IMMP2L: variants seen among roughly 807,000 people sequenced by gnomAD.
IMMP2L encodes the protein mitochondrial inner membrane protease subunit 2.
IMMP2L carries 18 observed loss-of-function variants against 19.3 expected under a neutral mutation model. The observed-to-expected ratio is 0.93, with a 90% CI of 0.64 to 1.38. The LOEUF (loss-of-function observed/expected upper bound fraction) is 1.38. Among genes scored for constraint, IMMP2L ranks in the 40% most tolerant of loss-of-function variants. The probability of loss-of-function intolerance (pLI) is 0.00; values close to 1 mark genes in which losing one functional copy is unlikely to be tolerated. For missense variants in IMMP2L, 233 were observed against 218.2 expected (o/e 1.07, Z -0.43); for synonymous variants, 76 against 73.0 (o/e 1.04, Z -0.21).
In IMMP2L at chr7:111,213,517, T is replaced by C. The variant is rs1586858278; in HGVS notation, c.240-249952A>G. On this transcript the variant is annotated intron_variant, in intron 3 of 5. Coordinates refer to ENST00000405709, the MANE Select transcript of IMMP2L (RefSeq NM_032549.4). This position sits in a 1 kb window ranked among gnomAD's most constrained non-coding sequence, Gnocchi z 4.8. ...TGAAGCCCTCCAGGGGCCAGGCTGC[T>C]GGTCGTGCAAACCAGAATGGGAACT... 6.6e-6 allele frequency among the ~76,000 whole-genome samples: 1 copy of C among 152,154 alleles called. No homozygotes were observed. Among genetic ancestry groups the C allele is most frequent in the Admixed American group, 6.5e-5 (1 of 15,282 alleles).
intron 5 of IMMP2L, among the ~76,000 whole-genome samples, chr7:110,835,942 T>C (rs757776547): frequency 6.6e-6 from 1 of 152,110 alleles, no homozygotes; most frequent in Non-Finnish European, 1.5e-5. Flanking sequence ...GAAATGAACA[T>C]TGTAATTACA....
intron 2 of IMMP2L, chr7:111,492,470 G>T: frequency 1.3e-6 from 1 of 782,170 alleles, no homozygotes. Context: ...GAAACTTCTA[G>T]TCATTTGTCA....
chr7:111,449,015 G>A (rs889990301), intron 3 of IMMP2L, among the ~76,000 whole-genome samples: 2 of 151,286 alleles, frequency 1.3e-5, no homozygotes, highest in East Asian at 2.0e-4. Context: ...CCAGGAAGAA[G>A]TTGAATCTCT....
At chr7:111,486,536 C>T (rs1842669125) in intron 3 of IMMP2L, among the ~76,000 whole-genome samples, 1 of 152,122 alleles carries the variant, frequency 6.6e-6, no homozygotes, top group African/African-American at 2.4e-5. Context: ...GTATTTGAAA[C>T]CAGAAGAAAT....
At chr7:111,120,027 G>A (rs1800396776) in intron 3 of IMMP2L, among the ~76,000 whole-genome samples, 1 of 152,158 alleles carries the variant, frequency 6.6e-6, no homozygotes, top group Non-Finnish European at 1.5e-5. Context: ...GCAGAGTGAT[G>A]CAACCATAGC....
chr7:111,141,432 A>AT (rs1404265652), intron 3 of IMMP2L, among the ~76,000 whole-genome samples: 2 of 148,432 alleles, frequency 1.3e-5, no homozygotes, highest in African/African-American at 5.2e-5. Flanking sequence ...CCAGGGTTAC[A>AT]TTTCTTTCTT....
intron 3 of IMMP2L, among the ~76,000 whole-genome samples, chr7:111,321,515 T>C (rs114026498): frequency 6.6e-6 from 1 of 151,252 alleles, no homozygotes; most frequent in Non-Finnish European, 1.5e-5. Context: ...ACAACAATCT[T>C]TTTTTTTCTC....
At chr7:111,238,622 T>A (rs998925784) in intron 3 of IMMP2L, among the ~76,000 whole-genome samples, 2 of 152,030 alleles carry the variant, frequency 1.3e-5, no homozygotes, top group South Asian at 4.2e-4. Flanking sequence ...AAGAAAGGTT[T>A]TAGAGTGATA....
At chr7:110,704,132 A>C (rs1794482843) in intron 5 of IMMP2L, among the ~76,000 whole-genome samples, 1 of 152,100 alleles carries the variant, frequency 6.6e-6, no homozygotes, top group African/African-American at 2.4e-5. Flanking sequence ...GGGGATTTTT[A>C]AGGCTTTATG....
intron 2 of IMMP2L, among the ~76,000 whole-genome samples, chr7:111,492,696 A>G (rs1843212031): frequency 6.6e-6 from 1 of 152,218 alleles, no homozygotes; most frequent in South Asian, 2.1e-4. Context: ...CAAAAGGTAA[A>G]GCATTATAAA....
At chr7:111,298,890 G>A (rs1449001102) in intron 3 of IMMP2L, among the ~76,000 whole-genome samples, 1 of 151,974 alleles carries the variant, frequency 6.6e-6, no homozygotes, top group Non-Finnish European at 1.5e-5. Context: ...AAGAATGCAG[G>A]CAGTATGAAA....
chr7:111,252,355 T>C (rs1562969590), intron 3 of IMMP2L, among the ~76,000 whole-genome samples: 1 of 152,150 alleles, frequency 6.6e-6, no homozygotes. Flanking sequence ...ATTAGAAATA[T>C]GCCAATGGAA....
chr7:111,009,382 A>G (rs1313547228), intron 3 of IMMP2L, among the ~76,000 whole-genome samples: 2 of 151,998 alleles, frequency 1.3e-5, no homozygotes. Flanking sequence ...TTCTGAGTGT[A>G]TTTTTTATTT....
intron 3 of IMMP2L, among the ~76,000 whole-genome samples, chr7:111,027,669 T>C (rs552466199): frequency 6.6e-6 from 1 of 152,062 alleles, no homozygotes; most frequent in Non-Finnish European, 1.5e-5. Context: ...ATGACTACTA[T>C]GCAAGTTTCA....
At chr7:111,281,132 GAGAAAGACAGAAAGAC>G (rs1266550378) in intron 3 of IMMP2L, among the ~76,000 whole-genome samples, 1,543 of 90,492 alleles carry the variant, frequency 0.017, 66 homozygotes, top group African/African-American at 0.032. Context: ...GAGAGAAAGA[GAGAAAGACAGAAAGAC>G]AGAAAGACAG....
chr7:110,818,853 C>T (rs1253998543), intron 5 of IMMP2L, among the ~76,000 whole-genome samples: 23 of 150,810 alleles, frequency 1.5e-4, no homozygotes, highest in South Asian at 2.1e-4. Flanking sequence ...AGCAAACTAT[C>T]GCAAGGACAA....
intron 3 of IMMP2L, among the ~76,000 whole-genome samples, chr7:111,108,149 C>T (rs1798760565): frequency 6.6e-6 from 1 of 152,090 alleles, no homozygotes; most frequent in African/African-American, 2.4e-5. Context: ...GAGACAAAAA[C>T]CTCACAGATT....
Position 110,788,116 on chromosome 7 carries a change from A to G in IMMP2L, c.408+98477T>C, listed in dbSNP as rs559653849. 1.9e-3 allele frequency among the ~76,000 whole-genome samples: 296 copies of G among 152,108 alleles called. 2 individuals are homozygous for G. Among genetic ancestry groups the G allele is most frequent in the Non-Finnish European group, 3.3e-3 (227 of 67,952 alleles). ...CTAAAGTCTTCCAGCCTAAAAAAAAATAACACCCTCCTTTGACCTAACATC... is the reference window on the plus strand; with the variant it reads ...CTAAAGTCTTCCAGCCTAAAAAAAAGTAACACCCTCCTTTGACCTAACATC... On this transcript the variant is annotated intron_variant, in intron 5 of 5. Coordinates refer to ENST00000405709, the MANE Select transcript of IMMP2L (RefSeq NM_032549.4).
At chr7:110,775,249 C>CTGTGTGTGTGTGTGTG (rs56387151) in intron 5 of IMMP2L, among the ~76,000 whole-genome samples, 2,218 of 146,666 alleles carry the variant, frequency 0.015, 37 homozygotes, top group African/African-American at 0.037. Context: ...CTTAAGTCAG[C>CTGTGTGTGTGTGTGTG]TGTGTGTGTG....
Sources: gnomAD v4.1 joint callset for allele counts (sites outside exome capture counted in the v4.1 genomes callset) on GRCh38, gnomAD v4.1.1 for gene constraint, Gnocchi (gnomAD v3.1) non-coding constraint, MANE v1.5 for transcripts, NCBI Gene and HGNC (gene_info 2026-07-23, HGNC 2026-07-21) for gene names.